JAM3: variants seen among roughly 807,000 people sequenced by gnomAD.
The protein encoded by JAM3 is junctional adhesion molecule 3, also known as junctional adhesion molecule C.
A neutral mutation model predicts 39.4 loss-of-function variants in JAM3; 31 were observed. That is an observed-to-expected ratio of 0.79 (90% CI 0.59 to 1.06). JAM3 has a LOEUF of 1.06. Among genes scored for constraint, JAM3 ranks in the 50% least tolerant of loss-of-function variants. The pLI, the probability that JAM3 is intolerant of heterozygous loss-of-function variation, is 0.00. For missense variants in JAM3, 455 were observed against 391.4 expected (o/e 1.16, Z -1.37); for synonymous variants, 182 against 148.7 (o/e 1.22, Z -1.63).
At chr11:134,107,397 G>C (rs2016167328) in intron 1 of JAM3, among the ~76,000 whole-genome samples, 1 of 151,898 alleles carries the variant, frequency 6.6e-6, no homozygotes, top group South Asian at 2.1e-4. Flanking sequence ...CGAGTTAATG[G>C]GTGCAGCACA....
chr11:134,074,457 T>C (rs903121921), intron 1 of JAM3, among the ~76,000 whole-genome samples: 2 of 152,224 alleles, frequency 1.3e-5, no homozygotes, highest in Non-Finnish European at 2.9e-5. Context: ...TCTAGCTTCT[T>C]AATATCAGCC....
intron 2 of JAM3, 104 bp from the exon 3 acceptor site, chr11:134,140,553 C>T (rs548864577): frequency 1.4e-5 from 13 of 916,632 alleles, no homozygotes; most frequent in Non-Finnish European, 2.0e-5. Context: ...CGTTTTTAAT[C>T]TGCATGAAAG....
At chr11:134,124,079 G>T (rs1464294006) in intron 1 of JAM3, 12 of 1,486,946 alleles carry the variant, frequency 8.1e-6, no homozygotes, top group Non-Finnish European at 1.1e-5. Flanking sequence ...TTTATAACAG[G>T]TTTAACCAAT....
At chr11:134,148,491 TTTTTA>T in intron 6 of JAM3, 51 bp from the exon 7 acceptor site, 1 of 1,612,598 alleles carries the variant, frequency 6.2e-7, no homozygotes. Flanking sequence ...GGCCAGGGCC[TTTTTA>T]AATAACAGAT....
At chr11:134,140,207 G>A (rs547803207) in intron 2 of JAM3, among the ~76,000 whole-genome samples, 1 of 152,262 alleles carries the variant, frequency 6.6e-6, no homozygotes, top group African/African-American at 2.4e-5. Context: ...AGGCTGGAGT[G>A]TAGTGGCGCA....
chr11:134,089,536 C>T (rs937154783), intron 1 of JAM3, among the ~76,000 whole-genome samples: 1 of 152,070 alleles, frequency 6.6e-6, no homozygotes, highest in African/African-American at 2.4e-5. Context: ...TCAATTCCCA[C>T]CTATGAGTGA....
intron 1 of JAM3, among the ~76,000 whole-genome samples, chr11:134,130,966 T>C (rs1361664093): frequency 6.6e-6 from 1 of 152,088 alleles, no homozygotes; most frequent in East Asian, 1.9e-4. Flanking sequence ...TGGCTGGACA[T>C]GTACAATAGG....
At chr11:134,109,118 C>G (rs1044390357) in intron 1 of JAM3, among the ~76,000 whole-genome samples, 1 of 152,092 alleles carries the variant, frequency 6.6e-6, no homozygotes, top group African/African-American at 2.4e-5. Context: ...CACCACACCA[C>G]CCCCGGCTAA....
intron 5 of JAM3, 29 bp from the exon 6 acceptor site, chr11:134,145,917 G>A (rs1943062850): frequency 4.0e-6 from 6 of 1,512,782 alleles, no homozygotes; most frequent in Middle Eastern, 1.7e-4. Flanking sequence ...TGATGGGTCC[G>A]ATTATTTACT....
intron 1 of JAM3, among the ~76,000 whole-genome samples, chr11:134,082,647 C>G (rs1941686211): frequency 6.6e-6 from 1 of 152,146 alleles, no homozygotes; most frequent in South Asian, 2.1e-4. Flanking sequence ...GGTTATGAGG[C>G]CTTCCTAGCC....
intron 1 of JAM3, among the ~76,000 whole-genome samples, chr11:134,100,651 G>T (rs899799994): frequency 3.3e-5 from 5 of 152,134 alleles, no homozygotes; most frequent in Admixed American, 6.5e-5. Context: ...GATACCATGT[G>T]AATGCATTCT....
intron 1 of JAM3, among the ~76,000 whole-genome samples, chr11:134,071,207 G>A (rs1028136576): frequency 6.6e-5 from 10 of 152,106 alleles, no homozygotes; most frequent in African/African-American, 2.4e-4. Flanking sequence ...AGAATTTAAT[G>A]TTTGCTAATT....
intron 1 of JAM3, among the ~76,000 whole-genome samples, chr11:134,105,566 C>T (rs1942167982): frequency 6.6e-6 from 1 of 152,138 alleles, no homozygotes; most frequent in South Asian, 2.1e-4. Flanking sequence ...CAAATTGTCC[C>T]TGTTTGTAGA....
chr11:134,078,280 C>T (rs571947002), intron 1 of JAM3, among the ~76,000 whole-genome samples: 2 of 151,672 alleles, frequency 1.3e-5, no homozygotes, highest in South Asian at 2.1e-4. Flanking sequence ...CCACCACACC[C>T]GGCTAATTTT....
chr11:134,106,161 G>A (rs1203767151), intron 1 of JAM3, among the ~76,000 whole-genome samples: 1 of 152,088 alleles, frequency 6.6e-6, no homozygotes, highest in African/African-American at 2.4e-5. Context: ...ATAGATCAAT[G>A]GAACAGAACA....
intron 1 of JAM3, among the ~76,000 whole-genome samples, chr11:134,098,581 C>T (rs1942024278): frequency 1.3e-5 from 2 of 152,102 alleles, no homozygotes; most frequent in African/African-American, 2.4e-5. Flanking sequence ...CAGTTGTCTT[C>T]CTTATATGTT....
chr11:134,121,849 A>ACC (rs1336206216), intron 1 of JAM3, among the ~76,000 whole-genome samples: 16 of 151,760 alleles, frequency 1.1e-4, no homozygotes, highest in East Asian at 5.8e-4. Flanking sequence ...ACACACACAC[A>ACC]CACCCTCCTC....
At chr11:134,086,149 T>C (rs1941742791) in intron 1 of JAM3, among the ~76,000 whole-genome samples, 1 of 152,222 alleles carries the variant, frequency 6.6e-6, no homozygotes, top group Non-Finnish European at 1.5e-5. Context: ...TAAGATTGTG[T>C]GTGTAAACAG....
intron 1 of JAM3, among the ~76,000 whole-genome samples, chr11:134,076,151 CTTTTTTTTTTTT>C (rs551303530): frequency 8.3e-6 from 1 of 120,406 alleles, no homozygotes; most frequent in Non-Finnish European, 1.7e-5. Context: ...TCTTTTCTTT[CTTTTTTTTTTTT>C]TTTTTTTTGA....
Sources: gnomAD v4.1 joint callset for allele counts (sites outside exome capture counted in the v4.1 genomes callset) on GRCh38, gnomAD v4.1.1 for gene constraint, MANE v1.5 for transcripts, NCBI Gene and HGNC (gene_info 2026-07-23, HGNC 2026-07-21) for gene names.